Variants in RAD51B observed in about 807,000 individuals in gnomAD.
RAD51B encodes the protein RAD51 paralog B.
A neutral mutation model predicts 42.2 loss-of-function variants in RAD51B; 38 were observed. That is an observed-to-expected ratio of 0.90 (90% CI 0.70 to 1.18). The LOEUF (loss-of-function observed/expected upper bound fraction) is 1.18. Among genes scored for constraint, RAD51B ranks in the 50% most tolerant of loss-of-function variants. The pLI is 0.00. For missense variants in RAD51B, 373 were observed against 400.7 expected (o/e 0.93, Z 0.59); for synonymous variants, 154 against 145.2 (o/e 1.06, Z -0.43).
intron 7 of RAD51B, among the ~76,000 whole-genome samples, chr14:67,889,830 A>T (rs2043166015): frequency 2.0e-5 from 3 of 152,212 alleles, no homozygotes; most frequent in Non-Finnish European, 4.4e-5. Context: ...TATCACTGAA[A>T]TGAAAACATA....
At chr14:67,996,655 G>A (rs181942045) in intron 7 of RAD51B, among the ~76,000 whole-genome samples, 2 of 152,224 alleles carry the variant, frequency 1.3e-5, no homozygotes, top group East Asian at 3.9e-4. Flanking sequence ...TGGGAAATGA[G>A]GTCTTAGAGG....
At chr14:68,407,035 C>T (rs2084295116) in intron 8 of RAD51B, among the ~76,000 whole-genome samples, 1 of 152,080 alleles carries the variant, frequency 6.6e-6, no homozygotes, top group Non-Finnish European at 1.5e-5. Flanking sequence ...TCTGCAATAC[C>T]TCCTGAAGGA....
chr14:67,875,071 A>G (rs1427967246), intron 5 of RAD51B, among the ~76,000 whole-genome samples: 2 of 152,178 alleles, frequency 1.3e-5, no homozygotes, highest in African/African-American at 4.8e-5. Context: ...GTAAGAGATG[A>G]GAGCCAGGAC....
chr14:68,415,668 G>A (rs1395069459), intron 9 of RAD51B, among the ~76,000 whole-genome samples: 5 of 152,182 alleles, frequency 3.3e-5, no homozygotes, highest in East Asian at 3.8e-4. Context: ...AGGAGTGGCC[G>A]AGGCCTTCAC....
chr14:68,606,379 G>A (rs970548937), intron 10 of RAD51B, among the ~76,000 whole-genome samples: 6 of 152,140 alleles, frequency 3.9e-5, no homozygotes, highest in East Asian at 1.9e-4. Context: ...CTGCAGAACC[G>A]GAAACAGATG....
At position 68,332,586 on chromosome 14, in the gene RAD51B, T is replaced by C. The variant is rs117604811; in HGVS notation, c.853+40606T>C. Reference sequence around the variant, plus strand: ...TACATGTTAAAAGATCTAAATTCTCTTGGGGAAGGAGCTTATAACTATGTA... The same window carrying C: ...TACATGTTAAAAGATCTAAATTCTCCTGGGGAAGGAGCTTATAACTATGTA... On this transcript the variant is annotated intron_variant, in intron 8 of 10. Coordinates refer to ENST00000471583, the MANE Select transcript of RAD51B (RefSeq NM_133510.4). 2.8e-3 allele frequency among the ~76,000 whole-genome samples: 431 copies of C among 152,346 alleles called. 2 individuals are homozygous for C. The highest frequency in any genetic ancestry group is 5.0e-3 in the South Asian group (24 of 4,830).
chr14:68,009,825 C>A (rs1281213686), intron 7 of RAD51B, among the ~76,000 whole-genome samples: 9 of 151,714 alleles, frequency 5.9e-5, no homozygotes, highest in Non-Finnish European at 8.9e-5. Flanking sequence ...GAGTGCCTTG[C>A]AAAAATTAGG....
intron 7 of RAD51B, among the ~76,000 whole-genome samples, chr14:68,219,416 A>G (rs568531495): frequency 4.6e-4 from 70 of 152,250 alleles, no homozygotes; most frequent in African/African-American, 1.5e-3. Context: ...CAAAAACACA[A>G]CAAAGGACCC....
At chr14:67,977,374 T>C (rs2075015114) in intron 7 of RAD51B, among the ~76,000 whole-genome samples, 2 of 152,254 alleles carry the variant, frequency 1.3e-5, no homozygotes, top group Non-Finnish European at 2.9e-5. Context: ...TACATTTTAT[T>C]ATTTTCCTGA....
At chr14:68,486,328 C>A (rs1883618909) in intron 10 of RAD51B, among the ~76,000 whole-genome samples, 2 of 152,290 alleles carry the variant, frequency 1.3e-5, no homozygotes, top group African/African-American at 4.8e-5. Flanking sequence ...ACCTCCAGAT[C>A]CCTGCCCATT....
chr14:68,071,921 G>A (rs986991450), intron 7 of RAD51B, among the ~76,000 whole-genome samples: 8 of 150,186 alleles, frequency 5.3e-5, no homozygotes, highest in Admixed American at 2.7e-4. Flanking sequence ...TTGTATTACC[G>A]ATTCAATTTT....
chr14:68,432,864 C>T (rs1324849664), intron 9 of RAD51B, among the ~76,000 whole-genome samples: 2 of 152,194 alleles, frequency 1.3e-5, no homozygotes, highest in Non-Finnish European at 2.9e-5. Flanking sequence ...TACAATTTGG[C>T]GTGCTTTTGC....
At chr14:68,264,440 T>A (rs1957571) in intron 7 of RAD51B, among the ~76,000 whole-genome samples, 1 of 152,296 alleles carries the variant, frequency 6.6e-6, no homozygotes, top group African/African-American at 2.4e-5. Context: ...GAAAGTTTTC[T>A]GAGTAGCTAG....
intron 9 of RAD51B, among the ~76,000 whole-genome samples, chr14:68,452,130 C>T (rs1011364261): frequency 6.6e-6 from 1 of 152,136 alleles, no homozygotes; most frequent in Non-Finnish European, 1.5e-5. Context: ...GCTTGCCTAA[C>T]TGGATATACA....
At chr14:67,877,673 T>A (rs2042769764) in intron 5 of RAD51B, among the ~76,000 whole-genome samples, 1 of 152,208 alleles carries the variant, frequency 6.6e-6, no homozygotes, top group South Asian at 2.1e-4. Flanking sequence ...AATTTATAAT[T>A]TAAAAAAATT....
At chr14:68,437,397 G>A (rs2085172409) in intron 9 of RAD51B, among the ~76,000 whole-genome samples, 1 of 152,156 alleles carries the variant, frequency 6.6e-6, no homozygotes, top group Non-Finnish European at 1.5e-5. Flanking sequence ...ATGTACTACT[G>A]GATTTGGTTT....
At chr14:67,940,830 A>G (rs1004309113) in intron 7 of RAD51B, among the ~76,000 whole-genome samples, 2 of 151,962 alleles carry the variant, frequency 1.3e-5, no homozygotes, top group East Asian at 1.9e-4. Flanking sequence ...TCTATGTCCC[A>G]TATTATACAA....
At chr14:68,515,472 A>G (rs1319878166) in intron 10 of RAD51B, among the ~76,000 whole-genome samples, 10 of 130,862 alleles carry the variant, frequency 7.6e-5, no homozygotes, top group African/African-American at 2.6e-4. Flanking sequence ...TTAGAGAGAT[A>G]GGGTCTCCCT....
chr14:68,045,204 C>CCAG (rs2076280112), intron 7 of RAD51B, among the ~76,000 whole-genome samples: 1 of 134,926 alleles, frequency 7.4e-6, no homozygotes, highest in Non-Finnish European at 1.5e-5. Flanking sequence ...CCATTGCACT[C>CCAG]CAGCCTGGGC....
Sources: allele counts gnomAD v4.1 joint callset (sites outside exome capture counted in the v4.1 genomes callset), GRCh38; gene constraint gnomAD v4.1.1; transcripts MANE v1.5; gene names NCBI Gene and HGNC (gene_info 2026-07-23, HGNC 2026-07-21).